SKAP1: variants seen among roughly 807,000 people sequenced by gnomAD.
SKAP1 encodes the protein src kinase associated phosphoprotein 1.
A neutral mutation model predicts 58.5 loss-of-function variants in SKAP1; 44 were observed. The observed-to-expected ratio is 0.75, with a 90% CI of 0.59 to 0.97. The LOEUF (loss-of-function observed/expected upper bound fraction) is 0.97. Among genes scored for constraint, SKAP1 ranks in the 50% least tolerant of loss-of-function variants. The pLI is 0.00. For synonymous variants in SKAP1, 127 were observed against 149.7 expected, an observed-to-expected ratio of 0.85 and a Z score of 1.11; for missense variants, 390 against 435.2, an observed-to-expected ratio of 0.90 and a Z score of 0.92.
intron 4 of SKAP1, among the ~76,000 whole-genome samples, chr17:48,244,314 AG>A (rs2065272570): frequency 6.6e-6 from 1 of 152,130 alleles, no homozygotes; most frequent in Admixed American, 6.5e-5. Flanking sequence ...CCCTAAACAA[AG>A]GGGACAACAG....
chr17:48,385,997 A>G (rs1466872268), intron 2 of SKAP1, among the ~76,000 whole-genome samples: 2 of 152,178 alleles, frequency 1.3e-5, no homozygotes, highest in Admixed American at 6.5e-5. Flanking sequence ...ACTCCAATAC[A>G]TGGTCAGTAG....
intron 4 of SKAP1, among the ~76,000 whole-genome samples, chr17:48,302,566 G>A (rs188974509): frequency 6.6e-5 from 10 of 152,226 alleles, no homozygotes; most frequent in Non-Finnish European, 8.8e-5. Context: ...AAGTTACTCC[G>A]CCAATTCTCT....
At chr17:48,436,361 C>T in the SKAP1 span, among the ~76,000 whole-genome samples, 119 of 152,304 alleles carry the variant, frequency 7.8e-4, no homozygotes, top group African/African-American at 2.8e-3. Flanking sequence ...CGTGAGCCAC[C>T]GTGTCTGGCC....
At chr17:48,211,121 T>C (rs2064867226) in intron 4 of SKAP1, among the ~76,000 whole-genome samples, 1 of 151,900 alleles carries the variant, frequency 6.6e-6, no homozygotes. Context: ...TGGAGAAAAA[T>C]AAAAATGCCA....
intron 6 of SKAP1, chr17:48,186,069 T>A (rs562894090): frequency 6.6e-6 from 1 of 152,136 alleles, no homozygotes; most frequent in Non-Finnish European, 1.5e-5. Context: ...TGGTTTTATA[T>A]CTAGATATGC....
intron 8 of SKAP1, 151 bp from the exon 9 acceptor site, chr17:48,180,399 G>C: frequency 1.6e-6 from 1 of 642,724 alleles, no homozygotes; most frequent in South Asian, 2.3e-5. Flanking sequence ...TCTAATGTGG[G>C]CTTTGGTGGC....
chr17:48,189,300 T>G, intron 5 of SKAP1, 123 bp downstream of exon 5: 1 of 734,846 alleles, frequency 1.4e-6, no homozygotes, highest in East Asian at 2.6e-5. Context: ...TTGCTTTGCT[T>G]TTGCCTTGTA....
rs71141977 is a variant in SKAP1 at position 48,252,713 on chromosome 17, A to AGTGTGTGTGTGTGT, written c.281-63227_281-63214dup. 1.5e-4 allele frequency among the ~76,000 whole-genome samples: 22 copies of AGTGTGTGTGTGTGT among 145,134 alleles called. No individual in the cohort carries two copies. The East Asian group carries it at 1.7e-3, about 11-fold the overall frequency. On this transcript the variant is annotated intron_variant, in intron 4 of 12. Coordinates refer to ENST00000336915, the MANE Select transcript of SKAP1 (RefSeq NM_003726.4). ...ATAAAAATGGCCAAAGCTCTAAGCT[A>AGTGTGTGTGTGTGT]GTGTGTGTGTGTGTGTGTGTGTGTG...
At chr17:48,187,381 T>G (rs1433891167) in intron 6 of SKAP1, among the ~76,000 whole-genome samples, 1 of 152,212 alleles carries the variant, frequency 6.6e-6, no homozygotes, top group African/African-American at 2.4e-5. Context: ...GAATGTCCAC[T>G]GGACTACTTA....
chr17:48,413,523 A>AAAAAAAAAAAAATATATATATATATAT, intron 1 of SKAP1, among the ~76,000 whole-genome samples: 2 of 105,454 alleles, frequency 1.9e-5, no homozygotes, highest in African/African-American at 8.6e-5. Context: ...TCAAAAAAAA[A>AAAAAAAAAAAAATATATATATATATAT]ATATATATAT....
At chr17:48,315,886 C>T (rs1243238430) in intron 4 of SKAP1, among the ~76,000 whole-genome samples, 1 of 152,138 alleles carries the variant, frequency 6.6e-6, no homozygotes, top group Non-Finnish European at 1.5e-5. Flanking sequence ...ACTTGGATCC[C>T]ATCCCCAAGA....
chr17:48,177,581 T>A (rs567579171), intron 9 of SKAP1, among the ~76,000 whole-genome samples: 2 of 152,156 alleles, frequency 1.3e-5, no homozygotes, highest in East Asian at 3.9e-4. Context: ...GTGCCGCTGC[T>A]TGGTAGATGG....
At position 48,300,670 on chromosome 17, in the gene SKAP1, T is replaced by C. The variant is rs566512086; in HGVS notation, c.280+45235A>G. 1.5e-4 allele frequency among the ~76,000 whole-genome samples: 23 copies of C among 152,354 alleles called. No individual in the cohort carries two copies. In the East Asian group the frequency reaches 3.3e-3, roughly 22 times the overall value. ...GCTCCTCCATGAATTCTCTATTTAA[T>C]GATTAATGTTTGTTGAATAGATTGA... On this transcript the variant is annotated intron_variant, in intron 4 of 12. Transcript: ENST00000336915.
chr17:48,173,453 T>A (rs955644086), intron 9 of SKAP1, among the ~76,000 whole-genome samples: 6 of 152,206 alleles, frequency 3.9e-5, no homozygotes, highest in Non-Finnish European at 1.5e-5. Flanking sequence ...GCACATTGTC[T>A]TCTCGTTACT....
At chr17:48,283,670 C>T (rs935047649) in intron 4 of SKAP1, among the ~76,000 whole-genome samples, 1 of 152,148 alleles carries the variant, frequency 6.6e-6, no homozygotes, top group African/African-American at 2.4e-5. Flanking sequence ...TGGATAGATT[C>T]CTCTTCTGAA....
At position 48,430,208 on chromosome 17, in the gene SKAP1, C is replaced by T. The variant is rs925155174; in HGVS notation, c.-88G>A. 1 of 1,094,750 alleles carries T rather than the reference C, an allele frequency of 9.1e-7. No individual in the cohort carries two copies. The highest frequency in any genetic ancestry group is 1.2e-6 in the Non-Finnish European group (1 of 858,056). 67.8% of individuals were successfully genotyped at this position (1,094,750 alleles called of 1,614,324 possible). ...AAGGCGACCCGGCTGCACCGCGAGGCACCTGTACCTCAGCCGCGGTCGCCG... is the reference window on the plus strand; with the variant it reads ...AAGGCGACCCGGCTGCACCGCGAGGTACCTGTACCTCAGCCGCGGTCGCCG... On this transcript the variant is annotated 5_prime_UTR_variant, in exon 1 of 13. Coordinates refer to ENST00000336915, the MANE Select transcript of SKAP1 (RefSeq NM_003726.4).
intron 2 of SKAP1, among the ~76,000 whole-genome samples, chr17:48,376,439 T>TA (rs1453995106): frequency 6.6e-6 from 1 of 152,234 alleles, no homozygotes; most frequent in Non-Finnish European, 1.5e-5. Flanking sequence ...GATATTCATT[T>TA]AAAAATGAGA....
intron 11 of SKAP1, among the ~76,000 whole-genome samples, chr17:48,145,336 C>T (rs189209958): frequency 9.9e-5 from 15 of 151,884 alleles, no homozygotes; most frequent in Admixed American, 9.8e-4. Flanking sequence ...ATAGACGCAG[C>T]GCTCACCATC....
intron 1 of SKAP1, among the ~76,000 whole-genome samples, chr17:48,429,122 C>G (rs1293421273): frequency 6.6e-6 from 1 of 152,166 alleles, no homozygotes; most frequent in Non-Finnish European, 1.5e-5. Context: ...CCAAAGCAGG[C>G]CGTCTGTTAA....
Sources: gnomAD v4.1 joint callset for allele counts (sites outside exome capture counted in the v4.1 genomes callset) on GRCh38, gnomAD v4.1.1 for gene constraint, MANE v1.5 for transcripts, NCBI Gene and HGNC (gene_info 2026-07-23, HGNC 2026-07-21) for gene names.